The following CTNNA2 variants were observed in gnomAD, a reference collection of about 807,000 sequenced individuals.
CTNNA2 encodes catenin alpha 2, also known as catenin alpha-2.
Under a neutral mutation model 101.0 loss-of-function variants are expected in CTNNA2, and 42 were observed. The observed-to-expected ratio is 0.42, with a 90% CI of 0.32 to 0.54. The LOEUF (loss-of-function observed/expected upper bound fraction) is 0.54. Ranked by LOEUF, CTNNA2 falls within the 20% of genes least tolerant of loss-of-function variation. The pLI is 0.14. For missense variants in CTNNA2, 871 were observed against 1,223.1 expected (o/e 0.71, Z 4.29); for synonymous variants, 450 against 456.4 (o/e 0.99, Z 0.18).
At chr2:80,208,609 A>T (rs1404904117) in intron 7 of CTNNA2, among the ~76,000 whole-genome samples, 1 of 152,164 alleles carries the variant, frequency 6.6e-6, no homozygotes, top group Non-Finnish European at 1.5e-5. Flanking sequence ...GAAATTCTGC[A>T]TCTCAGTCTC....
chr2:80,379,428 T>C (rs1371330157), intron 7 of CTNNA2, among the ~76,000 whole-genome samples: 1 of 152,178 alleles, frequency 6.6e-6, no homozygotes. Context: ...CTGTATTGTT[T>C]TAGTGTGTCA....
At chr2:79,792,919 C>G (rs1165403027) in intron 3 of CTNNA2, among the ~76,000 whole-genome samples, 1 of 152,176 alleles carries the variant, frequency 6.6e-6, no homozygotes, top group African/African-American at 2.4e-5. Flanking sequence ...TTTTATAAGT[C>G]ATTTATTACA....
chr2:80,106,228 G>T (rs150715083), intron 7 of CTNNA2, among the ~76,000 whole-genome samples: 2 of 152,098 alleles, frequency 1.3e-5, no homozygotes, highest in South Asian at 4.1e-4. Flanking sequence ...CTTCTCCCTG[G>T]GTTTGGAGGT....
At chr2:79,687,534 T>A (rs1484478282) in intron 2 of CTNNA2, 1 of 694,412 alleles carries the variant, frequency 1.4e-6, no homozygotes, top group Non-Finnish European at 2.7e-6. Flanking sequence ...CCACCAGAAC[T>A]GAATACACAT....
At chr2:79,633,335 A>G (rs909508061) in intron 1 of CTNNA2, among the ~76,000 whole-genome samples, 5 of 152,228 alleles carry the variant, frequency 3.3e-5, no homozygotes, top group Non-Finnish European at 7.3e-5. Context: ...GGACATGTCC[A>G]TATAGTCCAG....
At chr2:79,465,767 G>C (rs1670926987) in intron 4 of CTNNA2, among the ~76,000 whole-genome samples, 1 of 139,726 alleles carries the variant, frequency 7.2e-6, no homozygotes, top group Non-Finnish European at 1.5e-5. Context: ...GTTCACTCAT[G>C]ATTTGGCTCT....
intron 7 of CTNNA2, among the ~76,000 whole-genome samples, chr2:80,010,451 A>G (rs917985508): frequency 6.6e-6 from 1 of 152,030 alleles, no homozygotes; most frequent in African/African-American, 2.4e-5. Flanking sequence ...GACTACAGGC[A>G]CGTGCCACCA....
chr2:80,058,411 T>C (rs1270986893), intron 7 of CTNNA2, among the ~76,000 whole-genome samples: 1 of 152,232 alleles, frequency 6.6e-6, no homozygotes, highest in East Asian at 1.9e-4. Context: ...TCCTCCTTTT[T>C]GATCAAGGGC....
intron 7 of CTNNA2, among the ~76,000 whole-genome samples, chr2:80,179,143 G>A (rs538126118): frequency 6.6e-6 from 1 of 152,300 alleles, no homozygotes; most frequent in African/African-American, 2.4e-5. Context: ...GAAAAGGAAT[G>A]GCATTTGCCG....
chr2:79,224,415 G>T (rs780601200), intron 2 of CTNNA2, among the ~76,000 whole-genome samples: 1 of 151,994 alleles, frequency 6.6e-6, no homozygotes, highest in Non-Finnish European at 1.5e-5. Flanking sequence ...TATCACCCAG[G>T]TTCCACAATT....
intron 3 of CTNNA2, among the ~76,000 whole-genome samples, chr2:79,339,139 G>A (rs1251442866): frequency 1.3e-5 from 2 of 151,756 alleles, no homozygotes; most frequent in African/African-American, 4.8e-5. Flanking sequence ...AGTGAACAGG[G>A]GATGTTCTAG....
intron 7 of CTNNA2, among the ~76,000 whole-genome samples, chr2:80,171,664 T>C (rs954891077): frequency 6.6e-6 from 1 of 152,078 alleles, no homozygotes; most frequent in Non-Finnish European, 1.5e-5. Context: ...CAGGTTGTTG[T>C]AATGAAAAAA....
intron 7 of CTNNA2, among the ~76,000 whole-genome samples, chr2:80,252,257 A>G (rs1207295106): frequency 6.6e-6 from 1 of 152,202 alleles, no homozygotes; most frequent in Non-Finnish European, 1.5e-5. Context: ...TTACTGCTCA[A>G]TAAATATTTT....
chr2:80,532,820 A>ATTTTCTTCT, intron 9 of CTNNA2, among the ~76,000 whole-genome samples: 1 of 152,172 alleles, frequency 6.6e-6, no homozygotes, highest in African/African-American at 2.4e-5. Flanking sequence ...AGAAAATATG[A>ATTTTCTTCT]CCTTAGTGAA....
chr2:80,418,383 G>A (rs1379315740), intron 8 of CTNNA2, among the ~76,000 whole-genome samples: 1 of 152,092 alleles, frequency 6.6e-6, no homozygotes, highest in East Asian at 1.9e-4. Context: ...CATTATCCCA[G>A]GCAGTAATTT....
intron 3 of CTNNA2, among the ~76,000 whole-genome samples, chr2:79,769,926 T>C (rs1038845989): frequency 6.6e-6 from 1 of 152,224 alleles, no homozygotes; most frequent in Non-Finnish European, 1.5e-5. Flanking sequence ...CAAATGTGGC[T>C]ACTGAGCACT....
chr2:80,326,811 T>TA (rs142037920), intron 7 of CTNNA2, among the ~76,000 whole-genome samples: 34 of 151,192 alleles, frequency 2.2e-4, no homozygotes, highest in Admixed American at 5.9e-4. Flanking sequence ...AGTTACTGGC[T>TA]AAAAAAAAAG....
chr2:79,787,515 A>T (rs1385865853), intron 3 of CTNNA2, among the ~76,000 whole-genome samples: 2 of 152,154 alleles, frequency 1.3e-5, no homozygotes, highest in South Asian at 2.1e-4. Flanking sequence ...TCCTATTGCT[A>T]CTGCAACATA....
intron 2 of CTNNA2, among the ~76,000 whole-genome samples, chr2:79,215,492 C>T (rs1674243131): frequency 6.6e-6 from 1 of 152,064 alleles, no homozygotes; most frequent in Admixed American, 6.6e-5. Context: ...GGTTTGAGGG[C>T]TGGAATTTAA....
Sources: allele counts gnomAD v4.1 joint callset (sites outside exome capture counted in the v4.1 genomes callset), GRCh38; gene constraint gnomAD v4.1.1; transcripts MANE v1.5; gene names NCBI Gene and HGNC (gene_info 2026-07-23, HGNC 2026-07-21).